Variants in DIP2C observed in about 807,000 individuals in gnomAD.
DIP2C encodes the protein disco-interacting protein 2 homolog C.
DIP2C carries 33 observed loss-of-function variants against 192.4 expected under a neutral mutation model. The observed-to-expected ratio is 0.17, with a 90% CI of 0.13 to 0.23. The LOEUF (loss-of-function observed/expected upper bound fraction) is 0.23. Ranked by LOEUF, DIP2C falls within the 10% of genes least tolerant of loss-of-function variation. DIP2C has a pLI of 1.00. For missense variants in DIP2C, 1,537 were observed against 2,110.1 expected (o/e 0.73, Z 5.32); for synonymous variants, 979 against 864.1 (o/e 1.13, Z -2.33).
chr10:490,562 T>C (rs1844359259), intron 1 of DIP2C, among the ~76,000 whole-genome samples: 1 of 152,234 alleles, frequency 6.6e-6, no homozygotes, highest in African/African-American at 2.4e-5. Flanking sequence ...AAGGCTGCTG[T>C]CAGAGAATGT....
At chr10:658,386 C>A (rs1354375620) in intron 1 of DIP2C, among the ~76,000 whole-genome samples, 2 of 152,164 alleles carry the variant, frequency 1.3e-5, no homozygotes, top group African/African-American at 4.8e-5. Flanking sequence ...TGACACTGGA[C>A]CTGACCCTGG....
intron 3 of DIP2C, among the ~76,000 whole-genome samples, chr10:463,642 T>C (rs1207731446): frequency 6.6e-6 from 1 of 152,180 alleles, no homozygotes; most frequent in Non-Finnish European, 1.5e-5. Context: ...AAAAAACTAC[T>C]TTAAATTTCA....
intron 14 of DIP2C, among the ~76,000 whole-genome samples, chr10:385,173 A>G (rs2132907219): frequency 6.6e-6 from 1 of 151,810 alleles, no homozygotes; most frequent in South Asian, 2.1e-4. Flanking sequence ...AGCAGCTCTC[A>G]GGGAGCACCA....
intron 1 of DIP2C, among the ~76,000 whole-genome samples, chr10:658,137 G>A (rs1392461549): frequency 1.4e-5 from 2 of 140,608 alleles, no homozygotes; most frequent in South Asian, 2.2e-4. Flanking sequence ...CGCTGGACCT[G>A]TCCCTGGACC....
intron 4 of DIP2C, among the ~76,000 whole-genome samples, chr10:433,820 T>C (rs962503525): frequency 5.3e-5 from 8 of 152,254 alleles, no homozygotes; most frequent in Admixed American, 2.0e-4. Flanking sequence ...TAGACTGACA[T>C]TGAAAGTGAG....
chr10:593,740 C>G (rs1037815145), intron 1 of DIP2C, among the ~76,000 whole-genome samples: 1 of 152,190 alleles, frequency 6.6e-6, no homozygotes, highest in South Asian at 2.1e-4. Flanking sequence ...AACCGACATG[C>G]ACTGACCTCC....
intron 1 of DIP2C, among the ~76,000 whole-genome samples, chr10:500,885 G>A (rs1845181540): frequency 6.6e-6 from 1 of 152,164 alleles, no homozygotes; most frequent in South Asian, 2.1e-4. Context: ...CATCCTTAAA[G>A]CTATTTTTTT....
intron 1 of DIP2C, among the ~76,000 whole-genome samples, chr10:532,021 A>T (rs1395623977): frequency 6.6e-6 from 1 of 152,236 alleles, no homozygotes; most frequent in Non-Finnish European, 1.5e-5. Flanking sequence ...CCAAGTCTAG[A>T]ATGCAGATGG....
chr10:654,832 CACT>C (rs1856179969), intron 1 of DIP2C, among the ~76,000 whole-genome samples: 1 of 152,334 alleles, frequency 6.6e-6, no homozygotes, highest in Admixed American at 6.5e-5. Flanking sequence ...TTCTATACTA[CACT>C]ACTATGATCG....
chr10:447,700 C>A (rs543113698), intron 3 of DIP2C, among the ~76,000 whole-genome samples: 7 of 123,624 alleles, frequency 5.7e-5, no homozygotes, highest in Non-Finnish European at 1.1e-4. Context: ...CACAGTGGGG[C>A]AGCAGGACCC....
chr10:452,316 C>T (rs182011352), intron 3 of DIP2C, among the ~76,000 whole-genome samples: 20 of 152,292 alleles, frequency 1.3e-4, no homozygotes, highest in Admixed American at 1.2e-3. Context: ...ATAATGATAA[C>T]GGGATAGCGC....
chr10:608,142 GC>G (rs1388658067), intron 1 of DIP2C, among the ~76,000 whole-genome samples: 7 of 31,624 alleles, frequency 2.2e-4, no homozygotes, highest in East Asian at 9.2e-4. Context: ...CACACACACA[GC>G]CCCCCCACAC....
chr10:556,716 C>T (rs1393084242), intron 1 of DIP2C, among the ~76,000 whole-genome samples: 3 of 152,076 alleles, frequency 2.0e-5, no homozygotes, highest in Non-Finnish European at 4.4e-5. Flanking sequence ...ATCAACAGCC[C>T]CAGACTCACC....
chr10:345,297 G>A (rs1361370413), intron 26 of DIP2C, 187 bp from the exon 27 acceptor site: 6 of 696,924 alleles, frequency 8.6e-6, no homozygotes, highest in Non-Finnish European at 1.3e-5. Flanking sequence ...AGGCACGGGG[G>A]CAGGGCATGC....
chr10:324,899 T>A (rs1005180312), intron 31 of DIP2C: 1 of 530,216 alleles, frequency 1.9e-6, no homozygotes, highest in Non-Finnish European at 3.9e-6. Flanking sequence ...TTCTTTCATC[T>A]CCATGTTTTG....
At chr10:361,382 G>A (rs1368888151) in intron 22 of DIP2C, among the ~76,000 whole-genome samples, 1 of 152,160 alleles carries the variant, frequency 6.6e-6, no homozygotes, top group Admixed American at 6.5e-5. Flanking sequence ...CTCGGCGTGA[G>A]GCTGCTGGCT....
chr10:484,726 C>T lies in DIP2C; in HGVS notation c.157+1733G>A, dbSNP rs77774741. 2.8e-3 allele frequency: 4,485 copies of T among 1,575,440 alleles called. 114 individuals carry two copies. In the African/African-American group the frequency reaches 0.054, roughly 19 times the overall value. ...TACGGGATGGCACTCGGCGGGTGGC[C>T]CTTTTCTAATGTGTACCCTGCTGTG... On this transcript the variant is annotated intron_variant, in intron 2 of 36. Coordinates refer to ENST00000280886, the MANE Select transcript of DIP2C (RefSeq NM_014974.3).
intron 1 of DIP2C, among the ~76,000 whole-genome samples, chr10:507,500 G>C (rs1006959232): frequency 6.6e-6 from 1 of 150,534 alleles, no homozygotes; most frequent in Non-Finnish European, 1.5e-5. Context: ...TATCAGAGGT[G>C]TGTGAGGTTA....
intron 1 of DIP2C, among the ~76,000 whole-genome samples, chr10:640,112 C>T (rs920448265): frequency 6.6e-6 from 1 of 152,340 alleles, no homozygotes; most frequent in Non-Finnish European, 1.5e-5. Context: ...ATACCCGCCA[C>T]GCCTGTGGGC....
Sources: gnomAD v4.1 joint callset for allele counts (sites outside exome capture counted in the v4.1 genomes callset) on GRCh38, gnomAD v4.1.1 for gene constraint, MANE v1.5 for transcripts, NCBI Gene and HGNC (gene_info 2026-07-23, HGNC 2026-07-21) for gene names.